The following TOX3 variants were observed in gnomAD, a reference collection of about 807,000 sequenced individuals.
TOX3 encodes TOX high mobility group box family member 3.
TOX3 carries 22 observed loss-of-function variants against 64.3 expected under a neutral mutation model. That is an observed-to-expected ratio of 0.34 (90% CI 0.24 to 0.49). TOX3 has a LOEUF of 0.49. Ranked by LOEUF, TOX3 falls within the 20% of genes least tolerant of loss-of-function variation. The pLI is 0.99. For missense variants in TOX3, 661 were observed against 714.4 expected (o/e 0.93, Z 0.85); for synonymous variants, 291 against 273.6 (o/e 1.06, Z -0.63).
intron 1 of TOX3, among the ~76,000 whole-genome samples, chr16:52,503,659 G>T (rs892069005): frequency 1.3e-5 from 2 of 152,258 alleles, no homozygotes; most frequent in Admixed American, 1.3e-4. Flanking sequence ...AAGCTGTACT[G>T]ACAGGTTTTC....
intron 1 of TOX3, among the ~76,000 whole-genome samples, chr16:52,513,269 A>C (rs1374195027): frequency 1.3e-5 from 2 of 152,214 alleles, no homozygotes; most frequent in Admixed American, 6.5e-5. Context: ...AACAACAGGT[A>C]ATACAATGTT....
chr16:52,534,326 T>C (rs76242261), intron 1 of TOX3, among the ~76,000 whole-genome samples: 9 of 152,110 alleles, frequency 5.9e-5, no homozygotes, highest in Non-Finnish European at 1.3e-4. Flanking sequence ...CAAGTCCTCA[T>C]AGTCAAGGTT....
chr16:52,461,199 A>C (rs1960676102), intron 3 of TOX3, among the ~76,000 whole-genome samples: 1 of 152,120 alleles, frequency 6.6e-6, no homozygotes, highest in Non-Finnish European at 1.5e-5. Flanking sequence ...TGACAATAAC[A>C]CTTAGAGGTA....
At chr16:52,459,076 G>A (rs1251889317) in intron 3 of TOX3, among the ~76,000 whole-genome samples, 1 of 152,120 alleles carries the variant, frequency 6.6e-6, no homozygotes. Flanking sequence ...CACTTTGGGA[G>A]GCCAAGACAG....
intron 1 of TOX3, among the ~76,000 whole-genome samples, chr16:52,516,207 G>C (rs913234030): frequency 6.6e-6 from 1 of 152,058 alleles, no homozygotes; most frequent in Non-Finnish European, 1.5e-5. Context: ...TAAGACATTA[G>C]ATTTTAAAAA....
At chr16:52,498,788 T>C (rs1396905308) in intron 1 of TOX3, among the ~76,000 whole-genome samples, 1 of 152,202 alleles carries the variant, frequency 6.6e-6, no homozygotes, top group Admixed American at 6.5e-5. Context: ...TCCCCGTGCA[T>C]CGCCACGGTG....
intron 1 of TOX3, among the ~76,000 whole-genome samples, chr16:52,534,465 C>T (rs2151486674): frequency 6.6e-6 from 1 of 152,056 alleles, no homozygotes; most frequent in Admixed American, 6.6e-5. Flanking sequence ...TAGTGAGACC[C>T]CATCTCTACA....
At chr16:52,476,700 C>G (rs796429242) in intron 1 of TOX3, among the ~76,000 whole-genome samples, 3 of 152,162 alleles carry the variant, frequency 2.0e-5, no homozygotes, top group Non-Finnish European at 2.9e-5. Context: ...GTCTCCCTCC[C>G]TTCTGCCTGA....
chr16:52,462,480 G>A (rs1005420266), intron 3 of TOX3, among the ~76,000 whole-genome samples: 1 of 151,992 alleles, frequency 6.6e-6, no homozygotes, highest in African/African-American at 2.4e-5. Flanking sequence ...TTCATCAGAT[G>A]TTTAATTTAA....
At chr16:52,495,893 C>T (rs183975907) in intron 1 of TOX3, among the ~76,000 whole-genome samples, 1 of 152,166 alleles carries the variant, frequency 6.6e-6, no homozygotes, top group Non-Finnish European at 1.5e-5. Flanking sequence ...TTTATTCTCA[C>T]AAGAATTTAC....
Position 52,546,916 on chromosome 16 carries a change from G to T in TOX3, c.-193C>A, listed in dbSNP as rs1163478079. On this transcript the variant is annotated 5_prime_UTR_variant, in exon 1 of 7. Coordinates refer to ENST00000219746, the MANE Select transcript of TOX3 (RefSeq NM_001080430.4). ...CCGCCGCACACAAAGGCGCGGCCAC[G>T]CGAGCCGCGGGAGAGCGGGAGGCGG... 34 of 1,075,820 alleles carry T rather than the reference G, an allele frequency of 3.2e-5. No homozygotes were observed. Among genetic ancestry groups the T allele is most frequent in the Non-Finnish European group, 3.7e-5 (33 of 889,364 alleles). 66.6% of individuals were successfully genotyped at this position (1,075,820 alleles called of 1,614,324 possible). A position where few individuals can be genotyped will look rare whatever the true frequency, so the allele number is the denominator to read the frequency against.
intron 1 of TOX3, among the ~76,000 whole-genome samples, chr16:52,483,396 G>A (rs1002659952): frequency 6.6e-6 from 1 of 152,058 alleles, no homozygotes; most frequent in Admixed American, 6.6e-5. Context: ...GCCTAGAAGG[G>A]GAGAGCTGGG....
chr16:52,458,908 C>A (rs1371744517), intron 3 of TOX3, among the ~76,000 whole-genome samples: 1 of 152,180 alleles, frequency 6.6e-6, no homozygotes, highest in African/African-American at 2.4e-5. Flanking sequence ...CAATAAGCTT[C>A]TTTCAGGCAG....
chr16:52,491,463 T>C (rs1018656742), intron 1 of TOX3, among the ~76,000 whole-genome samples: 2 of 152,182 alleles, frequency 1.3e-5, no homozygotes, highest in Non-Finnish European at 1.5e-5. Context: ...TAATGTTTTA[T>C]TTCATTTAGA....
intron 2 of TOX3, among the ~76,000 whole-genome samples, chr16:52,466,188 G>A (rs968121176): frequency 7.2e-5 from 11 of 152,202 alleles, no homozygotes; most frequent in African/African-American, 2.2e-4. Flanking sequence ...CTTGATATGT[G>A]GCATTTGGCT....
intron 2 of TOX3, among the ~76,000 whole-genome samples, chr16:52,465,843 TTCTTAGCAGGC>T (rs1282447889): frequency 1.3e-5 from 2 of 152,094 alleles, no homozygotes; most frequent in Non-Finnish European, 2.9e-5. Flanking sequence ...CATCTTGAGG[TTCTTAGCAGGC>T]TCAATATATT....
chr16:52,449,772 T>C (rs1490675651), intron 4 of TOX3, among the ~76,000 whole-genome samples: 2 of 152,278 alleles, frequency 1.3e-5, no homozygotes, highest in Non-Finnish European at 2.9e-5. Flanking sequence ...AAACTTTGTA[T>C]CATTTCAAAT....
intron 1 of TOX3, among the ~76,000 whole-genome samples, chr16:52,489,552 A>G (rs1961619068): frequency 6.6e-6 from 1 of 152,150 alleles, no homozygotes; most frequent in African/African-American, 2.4e-5. Context: ...ACTCTAAGCC[A>G]GTGGTCTTAT....
chr16:52,471,072 G>A (rs933034332), intron 1 of TOX3, among the ~76,000 whole-genome samples: 1 of 152,060 alleles, frequency 6.6e-6, no homozygotes, highest in South Asian at 2.1e-4. Flanking sequence ...TAATATACAG[G>A]ACACCCAGTT....
Sources: gnomAD v4.1 joint callset for allele counts (sites outside exome capture counted in the v4.1 genomes callset) on GRCh38, gnomAD v4.1.1 for gene constraint, MANE v1.5 for transcripts, NCBI Gene and HGNC (gene_info 2026-07-23, HGNC 2026-07-21) for gene names.